The following SYCP1 variants were observed in gnomAD, a reference collection of about 807,000 sequenced individuals.
SYCP1 encodes cancer/testis antigen 8.
Under a neutral mutation model 153.1 loss-of-function variants are expected in SYCP1, and 64 were observed. The observed-to-expected ratio is 0.42, with a 90% CI of 0.34 to 0.51. The LOEUF (loss-of-function observed/expected upper bound fraction) is 0.51. Ranked by LOEUF, SYCP1 falls within the 20% of genes least tolerant of loss-of-function variation. The probability of loss-of-function intolerance (pLI) is 0.06; values close to 1 mark genes in which losing one functional copy is unlikely to be tolerated. For synonymous variants in SYCP1, 384 were observed against 341.8 expected, an observed-to-expected ratio of 1.12 and a Z score of -1.36; for missense variants, 997 against 1,049.0, an observed-to-expected ratio of 0.95 and a Z score of 0.68.
At chr1:114,874,167 TTCTC>T (rs1310108103) in intron 8 of SYCP1, among the ~76,000 whole-genome samples, 1 of 152,232 alleles carries the variant, frequency 6.6e-6, no homozygotes, top group South Asian at 2.1e-4. Flanking sequence ...TAAGTTGTAA[TTCTC>T]TCTGTGTTTG....
At chr1:114,921,561 C>A (rs1458819188) in intron 20 of SYCP1, among the ~76,000 whole-genome samples, 1 of 151,620 alleles carries the variant, frequency 6.6e-6, no homozygotes, top group Non-Finnish European at 1.5e-5. Flanking sequence ...TGCCTGTAAT[C>A]CTAGCTACTG....
intron 23 of SYCP1, among the ~76,000 whole-genome samples, chr1:114,942,835 T>G (rs1226641341): frequency 6.6e-6 from 1 of 151,958 alleles, no homozygotes; most frequent in African/African-American, 2.4e-5. Flanking sequence ...TCATATATAC[T>G]AAAATAATTT....
At chr1:114,943,071 A>T (rs1460941764) in intron 23 of SYCP1, among the ~76,000 whole-genome samples, 2 of 152,010 alleles carry the variant, frequency 1.3e-5, no homozygotes, top group Non-Finnish European at 2.9e-5. Context: ...TTATACAACA[A>T]AACTTCAGTC....
Position 114,935,694 on chromosome 1 carries a change from A to G in SYCP1, c.1927-8645A>G, listed in dbSNP as rs532163189. Among the ~76,000 whole-genome samples, 8 of 152,342 alleles carry G rather than the reference A, an allele frequency of 5.3e-5. 1 individual carries two copies. The South Asian group carries it at 1.4e-3, about 28-fold the overall frequency. On this transcript the variant is annotated intron_variant, in intron 23 of 31. Transcript: ENST00000369522. ...AGAAGAAAAGAGAAAAGAATCAAATAGATGCAATAAAAAATGATAAAGGGG... is the reference window on the plus strand; with the variant it reads ...AGAAGAAAAGAGAAAAGAATCAAATGGATGCAATAAAAAATGATAAAGGGG...
At chr1:114,987,309 T>G (rs919225393) in intron 30 of SYCP1, among the ~76,000 whole-genome samples, 2 of 151,020 alleles carry the variant, frequency 1.3e-5, no homozygotes, top group Non-Finnish European at 3.0e-5. Flanking sequence ...AAACAGAAAA[T>G]CCCGGGGAAG....
chr1:114,970,115 A>G (rs144560147), intron 27 of SYCP1, among the ~76,000 whole-genome samples: 141 of 152,018 alleles, frequency 9.3e-4, no homozygotes, highest in African/African-American at 2.7e-3. Flanking sequence ...CCCTGTCCCC[A>G]TATTTTCTTT....
intron 28 of SYCP1, 113 bp from the exon 29 acceptor site, chr1:114,981,223 T>G (rs1183166002): frequency 1.3e-6 from 1 of 765,196 alleles, no homozygotes; most frequent in African/African-American, 1.8e-5. Flanking sequence ...AATTTAGGGA[T>G]AAATTTGCTT....
chr1:114,915,625 C>A (rs1438901388), intron 20 of SYCP1, among the ~76,000 whole-genome samples: 1 of 152,186 alleles, frequency 6.6e-6, no homozygotes, highest in Admixed American at 6.5e-5. Flanking sequence ...GGTTGCTAGT[C>A]AGTATCTCAG....
chr1:114,884,143 T>C (rs1293288304), intron 12 of SYCP1, among the ~76,000 whole-genome samples: 1 of 152,272 alleles, frequency 6.6e-6, no homozygotes, highest in Non-Finnish European at 1.5e-5. Context: ...TCATGAATTA[T>C]GAACCAGAAG....
At chr1:114,978,996 C>T (rs74376831) in intron 28 of SYCP1, among the ~76,000 whole-genome samples, 7,134 of 151,474 alleles carry the variant, frequency 0.047, 204 homozygotes, top group African/African-American at 0.061. Flanking sequence ...GATTCATGTA[C>T]AATTCTATAT....
intron 30 of SYCP1, among the ~76,000 whole-genome samples, chr1:114,990,606 T>A (rs1395109405): frequency 2.0e-5 from 3 of 151,572 alleles, no homozygotes; most frequent in African/African-American, 7.3e-5. Flanking sequence ...AGAACAAAAT[T>A]AAAAATGAAA....
chr1:114,874,828 A>T (rs921929874), intron 9 of SYCP1, among the ~76,000 whole-genome samples: 1 of 152,228 alleles, frequency 6.6e-6, no homozygotes, highest in Non-Finnish European at 1.5e-5. Context: ...ACATTGTGAC[A>T]CATAACCATT....
Position 114,876,145 on chromosome 1 carries a change from A to G in SYCP1, c.727+7A>G, listed in dbSNP as rs1482908691. On this transcript the variant is annotated splice_region_variant and intron_variant, in intron 10 of 31. Coordinates refer to ENST00000369522, the MANE Select transcript of SYCP1 (RefSeq NM_003176.4). ...CTGGAAATGCATTTTAAGTGTAGGT[A>G]TAGGGATCTTACTTAATTTTTATAT... The G allele has an allele frequency of 2.0e-6, 3 of 1,532,848 alleles. No individual in the cohort carries two copies. Among genetic ancestry groups the G allele is most frequent in the Non-Finnish European group, 2.6e-6 (3 of 1,137,134 alleles). 95.0% of individuals were successfully genotyped at this position (1,532,848 alleles called of 1,614,324 possible).
intron 27 of SYCP1, among the ~76,000 whole-genome samples, chr1:114,954,198 TATC>T (rs1204251194): frequency 6.6e-5 from 10 of 152,188 alleles, no homozygotes; most frequent in Admixed American, 6.5e-4. Context: ...CTTGCCAACT[TATC>T]ATTTTTTTGA....
chr1:114,949,062 G>A (rs1471956749), intron 27 of SYCP1, among the ~76,000 whole-genome samples: 1 of 152,110 alleles, frequency 6.6e-6, no homozygotes, highest in African/African-American at 2.4e-5. Flanking sequence ...AGCAGTTTAC[G>A]GCAAAGGGAT....
chr1:114,939,533 T>C (rs564843289), intron 23 of SYCP1, among the ~76,000 whole-genome samples: 2 of 152,176 alleles, frequency 1.3e-5, no homozygotes, highest in Non-Finnish European at 2.9e-5. Context: ...ATAACCTATA[T>C]ACAAGAGAGT....
intron 8 of SYCP1, among the ~76,000 whole-genome samples, chr1:114,868,634 TC>T (rs1371806474): frequency 6.6e-6 from 1 of 152,222 alleles, no homozygotes; most frequent in Non-Finnish European, 1.5e-5. Flanking sequence ...TGGTATAGTT[TC>T]TTCCTTAAAT....
At chr1:114,951,754 C>T (rs1302815572) in intron 27 of SYCP1, among the ~76,000 whole-genome samples, 2 of 152,150 alleles carry the variant, frequency 1.3e-5, no homozygotes, top group Non-Finnish European at 2.9e-5. Flanking sequence ...CAGAACAGTT[C>T]CATCTCCATA....
chr1:114,855,392 C>T (rs1370745171), intron 1 of SYCP1, 49 bp from the exon 2 acceptor site: 1 of 1,146,492 alleles, frequency 8.7e-7, no homozygotes, highest in East Asian at 2.4e-5. Context: ...ATTCATGACA[C>T]TCGGTGAAAA....
Sources: gnomAD v4.1 joint callset for allele counts (sites outside exome capture counted in the v4.1 genomes callset) on GRCh38, gnomAD v4.1.1 for gene constraint, MANE v1.5 for transcripts, NCBI Gene and HGNC (gene_info 2026-07-23, HGNC 2026-07-21) for gene names.